OR1L8: variants seen among roughly 807,000 people sequenced by gnomAD.
OR1L8 encodes olfactory receptor 1L8.
For missense variants in OR1L8, 330 were observed against 377.4 expected (o/e 0.87, Z 1.04); for synonymous variants, 148 against 147.0 (o/e 1.01, Z -0.05).
chr9:122,564,485 G>T (rs1018572592), downstream of OR1L8, among the ~76,000 whole-genome samples: 4 of 152,202 alleles, frequency 2.6e-5, no homozygotes, highest in Non-Finnish European at 4.4e-5. Context: ...GAAAAGTAGT[G>T]TTGTATCATT....
chr9:122,573,297 G>A (rs953682348), intron 3 of OR1L8, among the ~76,000 whole-genome samples: 1 of 152,220 alleles, frequency 6.6e-6, no homozygotes, highest in Non-Finnish European at 1.5e-5. Flanking sequence ...TTTAGATGTT[G>A]GGGCTAAACT....
chr9:122,561,908 GC>G, the OR1L8 span, among the ~76,000 whole-genome samples: 2 of 152,176 alleles, frequency 1.3e-5, no homozygotes, highest in Non-Finnish European at 2.9e-5. Flanking sequence ...ACTCATCTGG[GC>G]TGCCCAGATT....
At chr9:122,570,358 C>T (rs1029864129) in intron 4 of OR1L8, among the ~76,000 whole-genome samples, 59 of 152,212 alleles carry the variant, frequency 3.9e-4, no homozygotes, top group Non-Finnish European at 1.0e-4. Flanking sequence ...AACTTCTTTA[C>T]AGCAGTATAT....
the OR1L8 span, among the ~76,000 whole-genome samples, chr9:122,552,747 T>G: frequency 7.8e-6 from 1 of 127,620 alleles, no homozygotes. Flanking sequence ...AAAGAGGGCT[T>G]GAGTGTGTGT....
chr9:122,580,130 A>AATAATGTACCT (rs1333898799), intron 1 of OR1L8, among the ~76,000 whole-genome samples: 1 of 152,222 alleles, frequency 6.6e-6, no homozygotes, highest in East Asian at 1.9e-4. Context: ...GCCTGTCAGC[A>AATAATGTACCT]ATAATGTACC....
the OR1L8 span, among the ~76,000 whole-genome samples, chr9:122,560,996 C>G: frequency 2.0e-5 from 3 of 152,260 alleles, no homozygotes; most frequent in Non-Finnish European, 1.5e-5. Context: ...TTTACATAGT[C>G]CCATATTTCT....
the OR1L8 span, among the ~76,000 whole-genome samples, chr9:122,560,879 G>C: frequency 6.6e-6 from 1 of 152,116 alleles, no homozygotes; most frequent in Admixed American, 6.5e-5. Context: ...GGTCTGTCTT[G>C]CTAGGTTGGG....
At chr9:122,563,825 A>T (rs372098040), downstream of OR1L8, among the ~76,000 whole-genome samples, 1 of 152,110 alleles carries the variant, frequency 6.6e-6, no homozygotes, top group African/African-American at 2.4e-5. Context: ...ATTCTTTTGC[A>T]TACACATATT....
chr9:122,568,566 G>T lies in OR1L8; in HGVS notation c.-89C>A, dbSNP rs1829482338. ...AATCATGAGAACCTAGCAAGTCTTT[G>T]TTTCTTCTGTTTGGTCACAATTAGC... On this transcript the variant is annotated 5_prime_UTR_variant, in exon 5 of 5. Transcript: ENST00000641027. 2 of 782,052 alleles carry T rather than the reference G, an allele frequency of 2.6e-6. No individual in the cohort carries two copies. The highest frequency in any genetic ancestry group is 1.7e-5 in the African/African-American group (1 of 57,460). The allele number at this position is 782,052 out of a possible 1,614,324, so 48.4% of individuals were successfully genotyped here. A position where few individuals can be genotyped will look rare whatever the true frequency, so the allele number is the denominator to read the frequency against.
chr9:122,560,369 T>C, the OR1L8 span, among the ~76,000 whole-genome samples: 1 of 152,202 alleles, frequency 6.6e-6, no homozygotes, highest in Non-Finnish European at 1.5e-5. Context: ...GATCCTGTCA[T>C]CATGATGCTA....
intron 2 of OR1L8, among the ~76,000 whole-genome samples, chr9:122,577,292 C>T (rs1246276092): frequency 2.0e-5 from 3 of 152,216 alleles, no homozygotes; most frequent in African/African-American, 7.2e-5. Flanking sequence ...TTAGAAAAGT[C>T]TCCAAATTGG....
chr9:122,576,369 G>A lies in OR1L8; in HGVS notation c.-342+397C>T, dbSNP rs377711287. On this transcript the variant is annotated intron_variant, in intron 3 of 4. Transcript: ENST00000641027. ...CCCAAGTAGCTGGGATTACAGGTGT[G>A]AGCCACCACGCCCAGCTAATTTTTT... 1.5e-4 allele frequency among the ~76,000 whole-genome samples: 22 copies of A among 150,854 alleles called. No individual in the cohort carries two copies. In the East Asian group the frequency reaches 3.1e-3, roughly 21 times the overall value.
chr9:122,547,118 A>AT, the OR1L8 span, among the ~76,000 whole-genome samples: 1 of 66,124 alleles, frequency 1.5e-5, no homozygotes, highest in Non-Finnish European at 2.9e-5. Flanking sequence ...AGTGAGCCAC[A>AT]TAAAAAAATA....
At chr9:122,577,788 A>G (rs940315208) in intron 2 of OR1L8, among the ~76,000 whole-genome samples, 3 of 152,222 alleles carry the variant, frequency 2.0e-5, no homozygotes, top group African/African-American at 7.2e-5. Flanking sequence ...AGTGGTACAA[A>G]CATATCTGAA....
chr9:122,553,724 C>T, the OR1L8 span: 6 of 1,613,300 alleles, frequency 3.7e-6, no homozygotes, highest in Non-Finnish European at 5.1e-6. Context: ...GCGTGGCTTT[C>T]TGTGCCCAGA....
chr9:122,567,808 T>A lies in OR1L8; in HGVS notation c.670A>T (p.Thr224Ser). ...GTAGAGGGAATCTTGAGAACTGTAG[T>A]GAGGATTCGTATATAAGAGAAAGCA... ...CIAFSYIRIL[T>S]TVLKIPSTSG... The change falls in exon 5 of 5, where the codon ACT becomes TCT. Residue 224 changes from threonine (T) to serine (S), a missense_variant. Thr to Ser is a moderately conservative substitution (Grantham distance 58). Coordinates refer to ENST00000641027, the MANE Select transcript of OR1L8 (RefSeq NM_001004454.2). 1 of 1,614,008 alleles carries A rather than the reference T, an allele frequency of 6.2e-7. No homozygotes were observed. The highest frequency in any genetic ancestry group is 1.1e-5 in the South Asian group (1 of 91,068).
intron 2 of OR1L8, among the ~76,000 whole-genome samples, chr9:122,577,518 CAAG>C (rs1829678365): frequency 6.6e-6 from 1 of 152,112 alleles, no homozygotes; most frequent in Non-Finnish European, 1.5e-5. Flanking sequence ...CAAAAGAATA[CAAG>C]GTTCAGTAAG....
chr9:122,559,447 C>T, the OR1L8 span, among the ~76,000 whole-genome samples: 3 of 152,068 alleles, frequency 2.0e-5, no homozygotes, highest in Non-Finnish European at 4.4e-5. Context: ...TTCCTGCTTT[C>T]TCTTGTGGGC....
chr9:122,549,005 G>T, the OR1L8 span, among the ~76,000 whole-genome samples: 1 of 151,852 alleles, frequency 6.6e-6, no homozygotes, highest in Non-Finnish European at 1.5e-5. Flanking sequence ...TGTCTTTGTT[G>T]CCTGTGCTTT....
Sources: gnomAD v4.1 joint callset for allele counts (sites outside exome capture counted in the v4.1 genomes callset) on GRCh38, gnomAD v4.1.1 for gene constraint, MANE v1.5 for transcripts, NCBI Gene and HGNC (gene_info 2026-07-23, HGNC 2026-07-21) for gene names.